Variants in SPRED2 observed in about 807,000 individuals in gnomAD.
SPRED2 encodes the protein sprouty related EVH1 domain containing 2, also known as sprouty-related, EVH1 domain-containing protein 2.
In SPRED2, 47 loss-of-function variants were observed where a neutral mutation model predicts 43.0. The ratio of observed to expected loss-of-function variants is 1.09; its 90% CI spans 0.87 to 1.40. The LOEUF (loss-of-function observed/expected upper bound fraction) is 1.40, where lower values mean the gene tolerates loss of function less well. SPRED2 is among the 40% of genes most tolerant of loss of function. SPRED2 has a pLI of 0.00. For synonymous variants in SPRED2, 225 were observed against 225.7 expected (o/e 1.00, Z 0.03); for missense variants, 561 against 586.4 (o/e 0.96, Z 0.45).
chr2:65,432,373 G>A lies in SPRED2; in HGVS notation c.-386C>T, dbSNP rs575115206. Among the ~76,000 whole-genome samples the A allele has an allele frequency of 6.6e-6, 1 of 151,998 alleles. No homozygotes were observed. Among genetic ancestry groups the A allele is most frequent in the African/African-American group, 2.4e-5 (1 of 41,492 alleles). ...GAGGAGAGCGCCGGCCGCGGGTGGGGGGGCTCAGTCCGGGGTCGCCCCCGG... is the reference window on the plus strand; with the variant it reads ...GAGGAGAGCGCCGGCCGCGGGTGGGAGGGCTCAGTCCGGGGTCGCCCCCGG... On this transcript the variant is annotated 5_prime_UTR_variant, in exon 1 of 6. Coordinates refer to ENST00000356388, the MANE Select transcript of SPRED2 (RefSeq NM_181784.3).
At chr2:65,321,584 G>A (rs1258805760) in intron 4 of SPRED2, among the ~76,000 whole-genome samples, 1 of 149,172 alleles carries the variant, frequency 6.7e-6, no homozygotes, top group East Asian at 2.0e-4. Flanking sequence ...CAACAGAAAC[G>A]AGGGGAGTAT....
intron 1 of SPRED2, among the ~76,000 whole-genome samples, chr2:65,402,530 C>G (rs1036720949): frequency 6.6e-6 from 1 of 152,140 alleles, no homozygotes; most frequent in African/African-American, 2.4e-5. Context: ...TGAGAGTCAT[C>G]TGCACACAGA....
At chr2:65,319,959 C>T (rs950382192) in intron 4 of SPRED2, among the ~76,000 whole-genome samples, 7 of 152,208 alleles carry the variant, frequency 4.6e-5, no homozygotes, top group Admixed American at 2.0e-4. Context: ...GGTAAGTCCA[C>T]TTCCAGCTCC....
At position 65,418,494 on chromosome 2, in the gene SPRED2, T is replaced by A. The variant is rs1337482569; in HGVS notation, c.26+13468A>T. ...GACTCAAGACTCACCTTGTCGGAAG[T>A]GAACTCTCCCCTGGCTGGTGCAGTG... On this transcript the variant is annotated intron_variant, in intron 1 of 5. Transcript: ENST00000356388. Among the ~76,000 whole-genome samples, 3 of 152,212 alleles carry A rather than the reference T, an allele frequency of 2.0e-5. No individual in the cohort carries two copies. In the East Asian group the frequency reaches 5.8e-4, roughly 29 times the overall value.
At chr2:65,319,158 C>A (rs1324473325) in intron 4 of SPRED2, among the ~76,000 whole-genome samples, 1 of 152,222 alleles carries the variant, frequency 6.6e-6, no homozygotes, top group African/African-American at 2.4e-5. Flanking sequence ...CCTTGGTCCA[C>A]ATGTGCAGCA....
rs59019958 is a variant in SPRED2 at position 65,349,308 on chromosome 2, C to CAAAAAA, written c.27-4418_27-4413dup. Among the ~76,000 whole-genome samples, 119 of 83,590 alleles carry CAAAAAA rather than the reference C, an allele frequency of 1.4e-3. 2 individuals are homozygous for CAAAAAA. Among genetic ancestry groups the CAAAAAA allele is most frequent in the East Asian group, 2.9e-3 (7 of 2,404 alleles). 54.8% of individuals were successfully genotyped at this position (83,590 alleles called of 152,430 possible). A position where few individuals can be genotyped will look rare whatever the true frequency, so the allele number is the denominator to read the frequency against. ...CTGGCGACACAGCAAGACTCTGTCT[C>CAAAAAA]AAAAAAAAAAAAAAAAAAAAAAGAA... On this transcript the variant is annotated intron_variant, in intron 1 of 5. Transcript: ENST00000356388.
chr2:65,343,448 G>C (rs1358225468), intron 2 of SPRED2, among the ~76,000 whole-genome samples: 1 of 152,112 alleles, frequency 6.6e-6, no homozygotes, highest in East Asian at 1.9e-4. Flanking sequence ...TAAACTATAA[G>C]AAGTGCTTGC....
chr2:65,337,874 T>TA (rs778888594), intron 2 of SPRED2, among the ~76,000 whole-genome samples: 10 of 152,232 alleles, frequency 6.6e-5, no homozygotes, highest in Non-Finnish European at 1.3e-4. Flanking sequence ...TCCTGGTACT[T>TA]AAAGACTTTT....
intron 2 of SPRED2, among the ~76,000 whole-genome samples, chr2:65,341,104 C>CGG (rs1674169300): frequency 7.3e-6 from 1 of 137,064 alleles, no homozygotes; most frequent in Non-Finnish European, 1.5e-5. Flanking sequence ...TGGGTACGGG[C>CGG]GTGTGTGTGT....
chr2:65,336,889 A>T (rs980377181), intron 2 of SPRED2, among the ~76,000 whole-genome samples: 1 of 152,206 alleles, frequency 6.6e-6, no homozygotes, highest in Non-Finnish European at 1.5e-5. Context: ...CGGGCGGATC[A>T]TGAGGTCAGG....
intron 1 of SPRED2, among the ~76,000 whole-genome samples, chr2:65,391,195 TACACACAC>T (rs70943648): frequency 0.011 from 1,557 of 145,632 alleles, 23 homozygotes; most frequent in Middle Eastern, 0.055. Context: ...CCTTAATGTG[TACACACAC>T]ACACACACAC....
chr2:65,311,558 T>G lies in SPRED2; in HGVS notation c.*1943A>C. 1 of 985,810 alleles carries G rather than the reference T, an allele frequency of 1.0e-6. No homozygotes were observed. The highest frequency in any genetic ancestry group is 5.2e-4 in the Middle Eastern group (1 of 1,914). 61.1% of individuals were successfully genotyped at this position (985,810 alleles called of 1,614,324 possible). A position where few individuals can be genotyped will look rare whatever the true frequency, so the allele number is the denominator to read the frequency against. On this transcript the variant is annotated 3_prime_UTR_variant, in exon 6 of 6. Coordinates refer to ENST00000356388, the MANE Select transcript of SPRED2 (RefSeq NM_181784.3). The stretch of plus-strand genomic sequence containing the variant: ...ACCCTAGAGAAAGACCCCAAGGAAG[T>G]GCCTCCGGGTCGGGGGAAGGTGGTC...
chr2:65,314,208 G>A (rs1285689436), intron 5 of SPRED2, 39 bp from the exon 6 acceptor site: 3 of 1,522,314 alleles, frequency 2.0e-6, no homozygotes, highest in Non-Finnish European at 2.6e-6. Context: ...TACAGCAGCG[G>A]CCAAAAAACA....
intron 1 of SPRED2, chr2:65,366,500 C>A: frequency 7.2e-7 from 1 of 1,393,060 alleles, no homozygotes; most frequent in Non-Finnish European, 9.9e-7. Flanking sequence ...AAATTTTCTC[C>A]TTTAAAAAAA....
chr2:65,340,766 A>C (rs993398511), intron 2 of SPRED2, among the ~76,000 whole-genome samples: 1 of 152,212 alleles, frequency 6.6e-6, no homozygotes, highest in African/African-American at 2.4e-5. Flanking sequence ...CTAGATGTGC[A>C]CTACATTGTA....
At chr2:65,404,137 C>T (rs1210274570) in intron 1 of SPRED2, among the ~76,000 whole-genome samples, 5 of 151,140 alleles carry the variant, frequency 3.3e-5, no homozygotes, top group African/African-American at 7.3e-5. Context: ...GCCCAGGAGA[C>T]GGAGATTGCA....
chr2:65,346,538 G>A (rs773953236), intron 1 of SPRED2, among the ~76,000 whole-genome samples: 1 of 151,884 alleles, frequency 6.6e-6, no homozygotes. Flanking sequence ...CGACCCCTCA[G>A]CCCCTGGCAC....
At chr2:65,318,574 G>A (rs1160331799) in intron 4 of SPRED2, among the ~76,000 whole-genome samples, 1 of 151,892 alleles carries the variant, frequency 6.6e-6, no homozygotes, top group Non-Finnish European at 1.5e-5. Flanking sequence ...ATCTCTAGAT[G>A]CTCTCTTTCT....
downstream of SPRED2, among the ~76,000 whole-genome samples, chr2:65,308,783 T>C (rs1437497197): frequency 1.3e-5 from 2 of 152,234 alleles, no homozygotes; most frequent in Non-Finnish European, 2.9e-5. Flanking sequence ...CAGTGACCTT[T>C]ATGGAGTTAG....
Sources: gnomAD v4.1 joint callset for allele counts (sites outside exome capture counted in the v4.1 genomes callset) on GRCh38, gnomAD v4.1.1 for gene constraint, MANE v1.5 for transcripts, NCBI Gene and HGNC (gene_info 2026-07-23, HGNC 2026-07-21) for gene names.